Variants in NCKAP5 observed in about 807,000 individuals in gnomAD.
NCKAP5 encodes the protein nck-associated protein 5.
NCKAP5 carries 92 observed loss-of-function variants against 167.0 expected under a neutral mutation model. The observed-to-expected ratio is 0.55, with a 90% CI of 0.47 to 0.66. The LOEUF (loss-of-function observed/expected upper bound fraction) is 0.66, where lower values mean the gene tolerates loss of function less well. Among genes scored for constraint, NCKAP5 ranks in the 30% least tolerant of loss-of-function variants. The pLI, the probability that NCKAP5 is intolerant of heterozygous loss-of-function variation, is 0.00. For missense variants in NCKAP5, 2,378 were observed against 2,315.0 expected (o/e 1.03, Z -0.56); for synonymous variants, 891 against 877.4 (o/e 1.02, Z -0.27).
At chr2:133,075,122 A>C (rs983942730) in intron 6 of NCKAP5, among the ~76,000 whole-genome samples, 7 of 152,190 alleles carry the variant, frequency 4.6e-5, no homozygotes, top group South Asian at 2.1e-4. Flanking sequence ...AGAGGGAAAC[A>C]AAACATTACA....
chr2:133,321,180 G>C (rs1349384661), intron 3 of NCKAP5, among the ~76,000 whole-genome samples: 1 of 152,124 alleles, frequency 6.6e-6, no homozygotes, highest in Admixed American at 6.5e-5. Flanking sequence ...GGTTCCTTCT[G>C]TCACCTCCCC....
intron 16 of NCKAP5, among the ~76,000 whole-genome samples, chr2:132,765,779 G>T (rs1291607510): frequency 6.6e-6 from 1 of 152,072 alleles, no homozygotes; most frequent in Non-Finnish European, 1.5e-5. Context: ...TGGACATATG[G>T]CTACCTTCCT....
chr2:133,159,857 T>C (rs2083716505), intron 5 of NCKAP5, among the ~76,000 whole-genome samples: 1 of 152,030 alleles, frequency 6.6e-6, no homozygotes, highest in Non-Finnish European at 1.5e-5. Context: ...ATAGTACACA[T>C]AATGAGCCTC....
chr2:132,861,294 C>T (rs1205626988), intron 10 of NCKAP5, among the ~76,000 whole-genome samples: 3 of 152,060 alleles, frequency 2.0e-5, no homozygotes, highest in Non-Finnish European at 4.4e-5. Flanking sequence ...ACCACAGAGA[C>T]CTTTTCCCCA....
the NCKAP5 span, among the ~76,000 whole-genome samples, chr2:133,669,633 A>T: frequency 6.6e-6 from 1 of 152,238 alleles, no homozygotes; most frequent in African/African-American, 2.4e-5. Flanking sequence ...TTCAATGACT[A>T]TAATGTTACA....
At chr2:132,882,146 T>C (rs1010676654) in intron 8 of NCKAP5, among the ~76,000 whole-genome samples, 1 of 152,196 alleles carries the variant, frequency 6.6e-6, no homozygotes, top group African/African-American at 2.4e-5. Context: ...ACTTTCTTTT[T>C]CAGCAAAAAG....
At chr2:133,078,078 G>T (rs2080672242) in intron 6 of NCKAP5, among the ~76,000 whole-genome samples, 1 of 152,180 alleles carries the variant, frequency 6.6e-6, no homozygotes, top group African/African-American at 2.4e-5. Flanking sequence ...TTCCTCAGAT[G>T]TAAAATGAGA....
the NCKAP5 span, among the ~76,000 whole-genome samples, chr2:133,617,884 C>T: frequency 7.4e-4 from 112 of 151,770 alleles, no homozygotes; most frequent in African/African-American, 2.7e-3. Context: ...GGAGGCATCA[C>T]ACTACCTGAC....
intron 4 of NCKAP5, among the ~76,000 whole-genome samples, chr2:133,298,346 G>C (rs1680110393): frequency 6.6e-6 from 1 of 152,062 alleles, no homozygotes; most frequent in Admixed American, 6.6e-5. Context: ...TTTAAATGGA[G>C]CATTTTTATT....
intron 11 of NCKAP5, among the ~76,000 whole-genome samples, chr2:132,846,327 C>CT (rs964683312): frequency 7.9e-5 from 12 of 151,010 alleles, no homozygotes; most frequent in African/African-American, 1.7e-4. Flanking sequence ...CATGGTGACT[C>CT]TTTTTTTTTG....
the NCKAP5 span, among the ~76,000 whole-genome samples, chr2:133,648,678 A>G: frequency 6.6e-6 from 1 of 152,124 alleles, no homozygotes; most frequent in Non-Finnish European, 1.5e-5. Context: ...TAAAACAAAA[A>G]TTAGAAAATA....
At chr2:133,139,429 G>C (rs1212926358) in intron 5 of NCKAP5, among the ~76,000 whole-genome samples, 1 of 152,112 alleles carries the variant, frequency 6.6e-6, no homozygotes, top group Non-Finnish European at 1.5e-5. Flanking sequence ...CCTTGTTTTG[G>C]ATAATTAGTG....
chr2:133,555,029 T>C (rs1483172563), intron 2 of NCKAP5, among the ~76,000 whole-genome samples: 2 of 152,138 alleles, frequency 1.3e-5, no homozygotes, highest in Admixed American at 1.3e-4. Flanking sequence ...GGAACAACTT[T>C]TCCCCGGGAC....
rs115961712 is a variant in NCKAP5, at chr2:133,330,763, G to A, written c.70-27653C>T. Among the ~76,000 whole-genome samples the A allele has an allele frequency of 5.0e-3, 758 of 152,144 alleles. 8 individuals carry two copies. Among genetic ancestry groups the A allele is most frequent in the African/African-American group, 0.017 (702 of 41,522 alleles). ...TTAAAAAAATTAGCCAGTTGTGGTC[G>A]TGTGCACCTGTACTCTCAGCCTACT... On this transcript the variant is annotated intron_variant, in intron 3 of 19. Coordinates refer to ENST00000409261, the MANE Select transcript of NCKAP5 (RefSeq NM_207363.3).
intron 12 of NCKAP5, among the ~76,000 whole-genome samples, chr2:132,794,247 TATATATATATATATATAGAGAGAG>T (rs1381032422): frequency 1.6e-4 from 10 of 60,776 alleles, no homozygotes; most frequent in African/African-American, 5.7e-4. Context: ...TATATATATA[TATATATATATATATATAGAGAGAG>T]AGAGAGAGAG....
intron 3 of NCKAP5, among the ~76,000 whole-genome samples, chr2:133,474,353 C>G (rs1416280448): frequency 2.6e-5 from 4 of 151,980 alleles, no homozygotes; most frequent in Non-Finnish European, 4.4e-5. Context: ...AAGAGTTGAC[C>G]TCACAGAAGC....
At chr2:133,419,718 T>C (rs1192573078) in intron 3 of NCKAP5, among the ~76,000 whole-genome samples, 1 of 152,194 alleles carries the variant, frequency 6.6e-6, no homozygotes, top group Non-Finnish European at 1.5e-5. Flanking sequence ...TATTTACACA[T>C]TTAATTTTGC....
At chr2:132,993,007 A>G (rs2149305901) in intron 7 of NCKAP5, among the ~76,000 whole-genome samples, 1 of 152,194 alleles carries the variant, frequency 6.6e-6, no homozygotes. Context: ...TGATACTTTT[A>G]CTTGTATTAA....
chr2:133,662,105 C>T, the NCKAP5 span, among the ~76,000 whole-genome samples: 2 of 152,074 alleles, frequency 1.3e-5, no homozygotes, highest in East Asian at 1.9e-4. Context: ...GTCTGCCTCA[C>T]GAGATTGTGG....
Sources: allele counts gnomAD v4.1 joint callset (sites outside exome capture counted in the v4.1 genomes callset), GRCh38; gene constraint gnomAD v4.1.1; transcripts MANE v1.5; gene names NCBI Gene and HGNC (gene_info 2026-07-23, HGNC 2026-07-21).